The following RHOJ variants were observed in gnomAD, a reference collection of about 807,000 sequenced individuals.
RHOJ encodes rho-related GTP-binding protein RhoJ.
In RHOJ, 11 loss-of-function variants were observed where a neutral mutation model predicts 23.4. That is an observed-to-expected ratio of 0.47 (90% CI 0.30 to 0.78). The LOEUF (loss-of-function observed/expected upper bound fraction) is 0.78, where lower values mean the gene tolerates loss of function less well. RHOJ is among the 30% of genes least tolerant of loss of function. The probability of loss-of-function intolerance (pLI) is 0.08; values close to 1 mark genes in which losing one functional copy is unlikely to be tolerated. For missense variants in RHOJ, 254 were observed against 273.4 expected (o/e 0.93, Z 0.50); for synonymous variants, 102 against 102.7 (o/e 0.99, Z 0.04).
intron 1 of RHOJ, among the ~76,000 whole-genome samples, chr14:63,209,227 C>A (rs2139725823): frequency 6.6e-6 from 1 of 152,304 alleles, no homozygotes; most frequent in East Asian, 1.9e-4. Context: ...ATCATCAATT[C>A]TCCACATAGC....
At chr14:63,282,068 G>A (rs1287574213) in intron 3 of RHOJ, among the ~76,000 whole-genome samples, 4 of 152,174 alleles carry the variant, frequency 2.6e-5, no homozygotes, top group Non-Finnish European at 5.9e-5. Context: ...CCATAAATCA[G>A]AGTAATCATA....
chr14:63,234,067 T>C (rs1429747927), intron 1 of RHOJ, among the ~76,000 whole-genome samples: 3 of 152,254 alleles, frequency 2.0e-5, no homozygotes, highest in Non-Finnish European at 4.4e-5. Flanking sequence ...CCACCTGGTG[T>C]GTACAACCGT....
intron 3 of RHOJ, 40 bp from the exon 4 acceptor site, chr14:63,283,081 T>C (rs1293428201): frequency 6.7e-7 from 1 of 1,487,408 alleles, no homozygotes; most frequent in Non-Finnish European, 9.4e-7. Context: ...TGGCAAGGCC[T>C]GAGAAAACAA....
At chr14:63,288,987 T>C (rs1882167730) in intron 4 of RHOJ, among the ~76,000 whole-genome samples, 1 of 152,278 alleles carries the variant, frequency 6.6e-6, no homozygotes, top group Non-Finnish European at 1.5e-5. Flanking sequence ...GAAATGAACA[T>C]GTATCAAGAG....
intron 1 of RHOJ, 94 bp from the exon 2 acceptor site, chr14:63,269,016 C>A: frequency 2.4e-6 from 2 of 842,882 alleles, no homozygotes; most frequent in South Asian, 1.4e-5. Context: ...TCTTGCTGCC[C>A]AAGGAGATGC....
At chr14:63,257,845 T>G (rs939591321) in intron 1 of RHOJ, among the ~76,000 whole-genome samples, 1 of 149,234 alleles carries the variant, frequency 6.7e-6, no homozygotes, top group African/African-American at 2.5e-5. Flanking sequence ...GGGGAGGTGA[T>G]TTCACATCCC....
chr14:63,278,014 A>G (rs1881788415), intron 2 of RHOJ, among the ~76,000 whole-genome samples: 1 of 134,614 alleles, frequency 7.4e-6, no homozygotes, highest in Non-Finnish European at 1.5e-5. Flanking sequence ...CATAGGCACA[A>G]CTTGGCTGAG....
chr14:63,290,436 T>G (rs572174361), intron 4 of RHOJ, among the ~76,000 whole-genome samples: 124 of 152,298 alleles, frequency 8.1e-4, no homozygotes, highest in South Asian at 2.7e-3. Flanking sequence ...TACATTTCAC[T>G]TGTACATGAT....
chr14:63,256,512 C>G (rs989250952), intron 1 of RHOJ, among the ~76,000 whole-genome samples: 2 of 152,152 alleles, frequency 1.3e-5, no homozygotes, highest in African/African-American at 4.8e-5. Context: ...CAGTATGCTA[C>G]TGCAGCTCAC....
rs923024759 is a variant in RHOJ, at chr14:63,286,512, T to C, written c.498+3296T>C. Among the ~76,000 whole-genome samples the C allele has an allele frequency of 5.9e-5, 9 of 152,272 alleles. No homozygotes were observed. The South Asian group carries it at 1.0e-3, about 18-fold the overall frequency. On this transcript the variant is annotated intron_variant, in intron 4 of 4. Coordinates refer to ENST00000316754, the MANE Select transcript of RHOJ (RefSeq NM_020663.5). ...ACATGCAAAGGCATCCTTTAAAGCATAGGGAGCAGATTGGCAACTGACGGG... is the reference window on the plus strand; with the variant it reads ...ACATGCAAAGGCATCCTTTAAAGCACAGGGAGCAGATTGGCAACTGACGGG...
chr14:63,215,665 T>C (rs945191713), intron 1 of RHOJ, among the ~76,000 whole-genome samples: 1 of 152,128 alleles, frequency 6.6e-6, no homozygotes. Context: ...AATGGCAGAA[T>C]TGGGATTCAA....
At chr14:63,235,445 T>C (rs1161391382) in intron 1 of RHOJ, among the ~76,000 whole-genome samples, 1 of 152,190 alleles carries the variant, frequency 6.6e-6, no homozygotes, top group East Asian at 1.9e-4. Context: ...GAGAGTGCTC[T>C]TATTCTTAAG....
At chr14:63,250,161 T>C (rs1024930801) in intron 1 of RHOJ, among the ~76,000 whole-genome samples, 1 of 152,166 alleles carries the variant, frequency 6.6e-6, no homozygotes, top group East Asian at 1.9e-4. Context: ...TCCCAAGCTA[T>C]AAAATATAAA....
intron 1 of RHOJ, among the ~76,000 whole-genome samples, chr14:63,232,693 C>G (rs187735952): frequency 0.013 from 1,825 of 142,220 alleles, 14 homozygotes; most frequent in Non-Finnish European, 0.018. Context: ...TTTTTTCTTG[C>G]CTTTTTTTTT....
chr14:63,255,632 G>A (rs909634697), intron 1 of RHOJ, among the ~76,000 whole-genome samples: 5 of 150,752 alleles, frequency 3.3e-5, no homozygotes, highest in African/African-American at 1.2e-4. Flanking sequence ...ATGGCAGCAG[G>A]AGGAGAAAAC....
chr14:63,268,688 A>G (rs1895410971), intron 1 of RHOJ, among the ~76,000 whole-genome samples: 1 of 152,206 alleles, frequency 6.6e-6, no homozygotes, highest in Admixed American at 6.5e-5. Flanking sequence ...AAATACAAGC[A>G]GAGAGATTTC....
At chr14:63,244,148 C>T (rs146524621) in intron 1 of RHOJ, among the ~76,000 whole-genome samples, 4 of 152,218 alleles carry the variant, frequency 2.6e-5, no homozygotes, top group Admixed American at 1.3e-4. Flanking sequence ...GGGAGGAAGA[C>T]GTACGATACA....
chr14:63,285,460 C>A (rs746133679), intron 4 of RHOJ, among the ~76,000 whole-genome samples: 8 of 152,134 alleles, frequency 5.3e-5, no homozygotes, highest in Non-Finnish European at 7.4e-5. Flanking sequence ...ATATCTGATT[C>A]TTTCTGTTCA....
At chr14:63,205,242 A>C (rs930114507) in intron 1 of RHOJ, among the ~76,000 whole-genome samples, 195 bp downstream of exon 1, 1 of 152,192 alleles carries the variant, frequency 6.6e-6, no homozygotes, top group Admixed American at 6.5e-5. Flanking sequence ...GTATGGTAAC[A>C]CTTTTCCCCC....
Sources: allele counts gnomAD v4.1 joint callset (sites outside exome capture counted in the v4.1 genomes callset), GRCh38; gene constraint gnomAD v4.1.1; transcripts MANE v1.5; gene names NCBI Gene and HGNC (gene_info 2026-07-23, HGNC 2026-07-21).